Variants in RPS6KA2 observed in about 807,000 individuals in gnomAD.
RPS6KA2 encodes the protein ribosomal protein S6 kinase A2, also known as ribosomal protein S6 kinase alpha-2.
RPS6KA2 carries 42 observed loss-of-function variants against 91.8 expected under a neutral mutation model. The ratio of observed to expected loss-of-function variants is 0.46; its 90% CI spans 0.36 to 0.59. The LOEUF (loss-of-function observed/expected upper bound fraction) is 0.59. Among genes scored for constraint, RPS6KA2 ranks in the 20% least tolerant of loss-of-function variants. The pLI is 0.00. For missense variants in RPS6KA2, 798 were observed against 978.5 expected, an observed-to-expected ratio of 0.82 and a Z score of 2.46; for synonymous variants, 414 against 393.6, an observed-to-expected ratio of 1.05 and a Z score of -0.61.
intron 2 of RPS6KA2, among the ~76,000 whole-genome samples, chr6:166,687,207 C>A (rs1038838985): frequency 5.9e-5 from 9 of 152,204 alleles, no homozygotes; most frequent in African/African-American, 2.2e-4. Flanking sequence ...AGAGTTCCTC[C>A]TGCGTGCCAG....
At chr6:166,523,041 T>C (rs563177413) in intron 3 of RPS6KA2, among the ~76,000 whole-genome samples, 5 of 152,342 alleles carry the variant, frequency 3.3e-5, no homozygotes, top group South Asian at 4.1e-4. Context: ...TGCAGAGGTA[T>C]TAAAGATGAC....
chr6:166,558,028 G>T (rs1164260122), intron 1 of RPS6KA2, among the ~76,000 whole-genome samples: 1 of 151,980 alleles, frequency 6.6e-6, no homozygotes. Context: ...GTATGTATGT[G>T]TATATATAGG....
chr6:166,802,932 A>G (rs1007843136), intron 2 of RPS6KA2, among the ~76,000 whole-genome samples: 1 of 146,800 alleles, frequency 6.8e-6, no homozygotes, highest in Non-Finnish European at 1.5e-5. Context: ...ATGTATGTAT[A>G]TGTGTGTGTG....
chr6:166,566,017 GAAACTTGGGA>G, intron 1 of RPS6KA2, among the ~76,000 whole-genome samples: 1 of 152,244 alleles, frequency 6.6e-6, no homozygotes, highest in Non-Finnish European at 1.5e-5. Flanking sequence ...AGAGACACAT[GAAACTTGGGA>G]TAGAAATAAA....
At chr6:166,462,677 T>C (rs1780362417) in intron 11 of RPS6KA2, among the ~76,000 whole-genome samples, 1 of 152,154 alleles carries the variant, frequency 6.6e-6, no homozygotes, top group South Asian at 2.1e-4. Context: ...TAAGCCCAGG[T>C]AGTCCCGTAG....
chr6:166,474,632 A>AT (rs1191803008), intron 10 of RPS6KA2, among the ~76,000 whole-genome samples: 9 of 135,672 alleles, frequency 6.6e-5, no homozygotes, highest in African/African-American at 2.8e-4. Context: ...AAGTCGGGAG[A>AT]TAACAAATAA....
At chr6:166,685,590 G>T (rs542454653) in intron 2 of RPS6KA2, among the ~76,000 whole-genome samples, 3 of 152,248 alleles carry the variant, frequency 2.0e-5, no homozygotes, top group South Asian at 4.1e-4. Flanking sequence ...TAGGATTAGG[G>T]AAGATCTTGG....
intron 12 of RPS6KA2, among the ~76,000 whole-genome samples, chr6:166,458,206 G>C (rs927121813): frequency 1.3e-5 from 2 of 152,178 alleles, no homozygotes; most frequent in Admixed American, 1.3e-4. Context: ...TCTCATCTTG[G>C]AGCCCTCATA....
intron 2 of RPS6KA2, among the ~76,000 whole-genome samples, chr6:166,647,439 T>A (rs997275637): frequency 6.6e-6 from 1 of 152,214 alleles, no homozygotes. Context: ...CCAATCTGTC[T>A]GCACCGCTGT....
chr6:166,693,629 G>A (rs1176187066), intron 2 of RPS6KA2, among the ~76,000 whole-genome samples: 6 of 152,178 alleles, frequency 3.9e-5, no homozygotes, highest in African/African-American at 1.4e-4. Context: ...CAGTTTTTTA[G>A]AAAGTCTGCA....
At chr6:166,534,023 C>A (rs1241444517) in intron 2 of RPS6KA2, among the ~76,000 whole-genome samples, 2 of 151,938 alleles carry the variant, frequency 1.3e-5, no homozygotes, top group Non-Finnish European at 2.9e-5. Flanking sequence ...GAGATTGAGA[C>A]CATTCTGGTT....
At chr6:166,699,269 A>C (rs1189339864) in intron 2 of RPS6KA2, among the ~76,000 whole-genome samples, 1 of 152,200 alleles carries the variant, frequency 6.6e-6, no homozygotes, top group African/African-American at 2.4e-5. Context: ...AATTGCTTCC[A>C]CTTGAGAGGA....
intron 1 of RPS6KA2, among the ~76,000 whole-genome samples, chr6:166,556,819 C>T (rs570783277): frequency 6.6e-6 from 1 of 152,286 alleles, no homozygotes; most frequent in African/African-American, 2.4e-5. Context: ...ACCAGAAACC[C>T]AAACAAAACA....
chr6:166,807,803 C>T (rs78767734), intron 2 of RPS6KA2, among the ~76,000 whole-genome samples: 9 of 152,070 alleles, frequency 5.9e-5, no homozygotes, highest in East Asian at 1.9e-4. Flanking sequence ...AGTCTTCATT[C>T]GTAAGGCCTT....
At chr6:166,707,856 G>A (rs1051466814) in intron 2 of RPS6KA2, among the ~76,000 whole-genome samples, 14 of 151,834 alleles carry the variant, frequency 9.2e-5, no homozygotes, top group Admixed American at 2.0e-4. Flanking sequence ...CAATCCTCCC[G>A]CCTCAGCCTC....
Position 166,418,641 on chromosome 6 carries a change from T to C in RPS6KA2, c.1821-299A>G, listed in dbSNP as rs1778621727. ...TGGGGTGGCCTAGTGAGTTGCCTGG[T>C]GCCGTGGTTTCCACGGTGATGGTGT... On this transcript the variant is annotated intron_variant, in intron 18 of 20. Coordinates refer to ENST00000265678, the MANE Select transcript of RPS6KA2 (RefSeq NM_021135.6). The surrounding 1 kb of genome is among the most constrained non-coding windows in gnomAD (Gnocchi z 4.9). Among the ~76,000 whole-genome samples, 1 of 152,242 alleles carries C rather than the reference T, an allele frequency of 6.6e-6. No individual in the cohort carries two copies.
At chr6:166,463,852 C>T (rs1780421993) in intron 11 of RPS6KA2, among the ~76,000 whole-genome samples, 1 of 152,200 alleles carries the variant, frequency 6.6e-6, no homozygotes, top group African/African-American at 2.4e-5. Context: ...AAACGATTTT[C>T]AAAGCGTCAC....
rs1259104023 is a variant in RPS6KA2, at chr6:166,495,036, T to G, written c.747+3472A>C. ...ACGGACGTGTGGGAAGCGTGGGGCC[T>G]CCACAGTCAAGACCTTTGCCTGTGT... On this transcript the variant is annotated intron_variant, in intron 8 of 20. Coordinates refer to ENST00000265678, the MANE Select transcript of RPS6KA2 (RefSeq NM_021135.6). This position sits in a 1 kb window ranked among gnomAD's most constrained non-coding sequence, Gnocchi z 4.4. 6.6e-6 allele frequency among the ~76,000 whole-genome samples: 1 copy of G among 152,224 alleles called. No individual in the cohort carries two copies. Among genetic ancestry groups the G allele is most frequent in the African/African-American group, 2.4e-5 (1 of 41,444 alleles).
chr6:166,561,622 G>A (rs1784347712), intron 1 of RPS6KA2, among the ~76,000 whole-genome samples: 1 of 151,780 alleles, frequency 6.6e-6, no homozygotes, highest in Non-Finnish European at 1.5e-5. Context: ...CGGCTGAAGG[G>A]GTATTAGGAA....
Sources: gnomAD v4.1 joint callset for allele counts (sites outside exome capture counted in the v4.1 genomes callset) on GRCh38, gnomAD v4.1.1 for gene constraint, Gnocchi (gnomAD v3.1) non-coding constraint, MANE v1.5 for transcripts, NCBI Gene and HGNC (gene_info 2026-07-23, HGNC 2026-07-21) for gene names.